SNED1: variants seen among roughly 807,000 people sequenced by gnomAD.
SNED1 encodes sushi, nidogen and EGF like domains 1.
SNED1 carries 81 observed loss-of-function variants against 166.7 expected under a neutral mutation model. The observed-to-expected ratio is 0.49, with a 90% CI of 0.41 to 0.58. The LOEUF is 0.58. Among genes scored for constraint, SNED1 ranks in the 20% least tolerant of loss-of-function variants. The pLI, the probability that SNED1 is intolerant of heterozygous loss-of-function variation, is 0.00. For missense variants in SNED1, 1,604 were observed against 2,000.2 expected, an observed-to-expected ratio of 0.80 and a Z score of 3.78; for synonymous variants, 762 against 822.0, an observed-to-expected ratio of 0.93 and a Z score of 1.25.
At chr2:241,089,509 A>G (rs1258834394) in intron 31 of SNED1, 10 of 1,403,038 alleles carry the variant, frequency 7.1e-6, no homozygotes, top group South Asian at 1.4e-5. Context: ...AGCTCCGCAC[A>G]TGGCAGGAAC....
At chr2:241,030,249 C>T in intron 1 of SNED1, 35 bp from the exon 2 acceptor site, 15 of 1,519,854 alleles carry the variant, frequency 9.9e-6, no homozygotes, top group Non-Finnish European at 1.3e-5. Flanking sequence ...CCCACAGCCC[C>T]CAGTCAATCC....
At chr2:241,072,287 C>T (rs1175531399) in intron 26 of SNED1, 2 of 456,836 alleles carry the variant, frequency 4.4e-6, no homozygotes, top group East Asian at 6.7e-5. Flanking sequence ...GCAAATCCTC[C>T]GCCACTGTCC....
intron 16 of SNED1, among the ~76,000 whole-genome samples, chr2:241,061,873 A>G (rs566445872): frequency 2.0e-5 from 3 of 151,766 alleles, no homozygotes; most frequent in Non-Finnish European, 4.4e-5. Context: ...AAAAAGAAAA[A>G]AAGAAAACAA....
At chr2:241,072,438 G>C (rs1157304587) in intron 26 of SNED1, 3 of 358,152 alleles carry the variant, frequency 8.4e-6, no homozygotes, top group Non-Finnish European at 1.6e-5. Flanking sequence ...TGGCAGGAGT[G>C]AGGCAGGCGC....
At chr2:241,081,535 GT>G (rs2063329215) in intron 27 of SNED1, 141 bp from the exon 28 acceptor site, 2 of 655,560 alleles carry the variant, frequency 3.1e-6, no homozygotes, top group South Asian at 3.5e-5. Flanking sequence ...GCCCAGAGGC[GT>G]TTGGGAGGCC....
chr2:241,056,964 A>G (rs1460213604), intron 16 of SNED1, among the ~76,000 whole-genome samples: 1 of 152,234 alleles, frequency 6.6e-6, no homozygotes, highest in East Asian at 1.9e-4. Flanking sequence ...TTGAAGTCCC[A>G]GAAATAGAGG....
At chr2:241,040,773 C>T (rs2061501685) in intron 8 of SNED1, 3 of 471,528 alleles carry the variant, frequency 6.4e-6, no homozygotes, top group South Asian at 4.8e-5. Context: ...ACTTTTTTAA[C>T]ATCTTCCTCT....
intron 6 of SNED1, among the ~76,000 whole-genome samples, chr2:241,039,794 T>C (rs1559252255): frequency 6.6e-6 from 1 of 152,072 alleles, no homozygotes; most frequent in Non-Finnish European, 1.5e-5. Context: ...GTGGGAGTGA[T>C]TTCCATGCAC....
rs1375939527 is a variant in SNED1, at chr2:241,075,632, G to T, written c.3916+2268G>T. On this transcript the variant is annotated intron_variant, in intron 27 of 31. Coordinates refer to ENST00000310397, the MANE Select transcript of SNED1 (RefSeq NM_001080437.3). This position sits in a 1 kb window ranked among gnomAD's most constrained non-coding sequence, Gnocchi z 4.8. ...CCTTTGTCAGGTCTGTGTTCTGCAG[G>T]TATCTTCCTCCAGCCTCTGGCTTGT... The T allele has an allele frequency of 6.6e-6, 1 of 151,646 alleles. No homozygotes were observed. Among genetic ancestry groups the T allele is most frequent in the Non-Finnish European group, 1.5e-5 (1 of 67,904 alleles). The allele number at this position is 151,646 out of a possible 1,614,324, so 9.4% of individuals were successfully genotyped here.
In SNED1 at chr2:241,049,949, G is replaced by T. The variant is rs762082952; in HGVS notation, c.1735+16G>T. ...TGCGAGAAAGGTATGGCGGGCAGGGGCGTCCGGGCCGGCGTCAGCACCCTG... is the reference window on the plus strand; with the variant it reads ...TGCGAGAAAGGTATGGCGGGCAGGGTCGTCCGGGCCGGCGTCAGCACCCTG... On this transcript the variant is annotated intron_variant, in intron 12 of 31. Transcript: ENST00000310397. The T allele has an allele frequency of 9.4e-6, 15 of 1,598,778 alleles. No homozygotes were observed. In the South Asian group the frequency reaches 1.7e-4, roughly 18 times the overall value.
intron 8 of SNED1, among the ~76,000 whole-genome samples, chr2:241,042,479 A>C (rs187823742): frequency 8.5e-5 from 13 of 152,272 alleles, no homozygotes; most frequent in Admixed American, 2.6e-4. Flanking sequence ...AGAATCCAGA[A>C]CTCCAAAATA....
chr2:241,037,346 TGA>T lies in SNED1; in HGVS notation c.1041_1042del (p.Glu347AspfsTer7), dbSNP rs1424116504. On this transcript the variant is annotated frameshift_variant, in exon 6 of 32. Coordinates refer to ENST00000310397, the MANE Select transcript of SNED1 (RefSeq NM_001080437.3). LOFTEE classifies it high-confidence loss of function. Reference sequence around the variant, plus strand: ...CGGCTGGCTTTGGGGGACCCACCTGTGAGACAGGTAAGAGGAACCCACCGGGG... The same window carrying T: ...CGGCTGGCTTTGGGGGACCCACCTGTGACAGGTAAGAGGAACCCACCGGGG... ...CPAGFGGPTC[E>X]TAQSPCDTKE... 1 of 1,605,716 alleles carries T rather than the reference TGA, an allele frequency of 6.2e-7. No homozygotes were observed. The highest frequency in any genetic ancestry group is 8.5e-7 in the Non-Finnish European group (1 of 1,176,426).
intron 1 of SNED1, among the ~76,000 whole-genome samples, chr2:241,008,943 T>C (rs2106555651): frequency 6.6e-6 from 1 of 152,268 alleles, no homozygotes; most frequent in East Asian, 1.9e-4. Flanking sequence ...CTCAAACCCA[T>C]CTTTCAGCAA....
chr2:241,085,459 A>G (rs2063528216), intron 29 of SNED1, among the ~76,000 whole-genome samples: 1 of 152,166 alleles, frequency 6.6e-6, no homozygotes, highest in Admixed American at 6.5e-5. Context: ...TCCAATTTCT[A>G]TCTTCATTAT....
chr2:241,056,517 C>G (rs1243875042), intron 16 of SNED1, among the ~76,000 whole-genome samples: 2 of 150,576 alleles, frequency 1.3e-5, no homozygotes, highest in African/African-American at 2.4e-5. Context: ...ACAAAATTAT[C>G]TAAACTGCAG....
chr2:241,000,558 T>C (rs2060048628), intron 1 of SNED1, among the ~76,000 whole-genome samples: 1 of 152,210 alleles, frequency 6.6e-6, no homozygotes, highest in Non-Finnish European at 1.5e-5. Flanking sequence ...AAGAGGCTCC[T>C]TAAGCATTTG....
chr2:241,055,735 A>G (rs1399687006), intron 16 of SNED1, among the ~76,000 whole-genome samples: 12 of 152,266 alleles, frequency 7.9e-5, no homozygotes, highest in Admixed American at 7.9e-4. Context: ...GGTCTCACCC[A>G]CAGGATCATT....
chr2:241,062,719 A>C, intron 16 of SNED1, 72 bp from the exon 17 acceptor site: 2 of 962,466 alleles, frequency 2.1e-6, no homozygotes, highest in East Asian at 2.6e-5. Context: ...GCCCCTCAGG[A>C]CTAGTTTATG....
At chr2:241,011,778 T>C (rs1231930592) in intron 1 of SNED1, among the ~76,000 whole-genome samples, 1 of 152,226 alleles carries the variant, frequency 6.6e-6, no homozygotes, top group Non-Finnish European at 1.5e-5. Flanking sequence ...GGCCTGGGCC[T>C]TGCCCACTAG....
Sources: allele counts gnomAD v4.1 joint callset (sites outside exome capture counted in the v4.1 genomes callset), GRCh38; gene constraint gnomAD v4.1.1; non-coding constraint Gnocchi (gnomAD v3.1); transcripts MANE v1.5; gene names NCBI Gene and HGNC (gene_info 2026-07-23, HGNC 2026-07-21).